Variants in GART observed in about 807,000 individuals in gnomAD.
The protein encoded by GART is phosphoribosylglycinamide formyltransferase, phosphoribosylglycinamide synthetase, phosphoribosylaminoimidazole synthetase.
A neutral mutation model predicts 107.2 loss-of-function variants in GART; 43 were observed. The ratio of observed to expected loss-of-function variants is 0.40; its 90% CI spans 0.31 to 0.52. The LOEUF (loss-of-function observed/expected upper bound fraction) is 0.52, where lower values mean the gene tolerates loss of function less well. GART is among the 20% of genes least tolerant of loss of function. GART has a pLI of 0.52. For missense variants in GART, 1,107 were observed against 1,206.5 expected, an observed-to-expected ratio of 0.92 and a Z score of 1.22; for synonymous variants, 434 against 427.0, an observed-to-expected ratio of 1.02 and a Z score of -0.20.
chr21:33,508,380 G>C (rs1439781838), intron 18 of GART, among the ~76,000 whole-genome samples: 1 of 151,900 alleles, frequency 6.6e-6, no homozygotes, highest in African/African-American at 2.4e-5. Flanking sequence ...TTATTACATG[G>C]GAATGTTGTA....
intron 4 of GART, among the ~76,000 whole-genome samples, chr21:33,532,944 AAAT>A (rs1022105991): frequency 6.0e-4 from 91 of 152,278 alleles, no homozygotes; most frequent in African/African-American, 2.2e-3. Flanking sequence ...GGCTGCTAGG[AAAT>A]AATAATATTC....
chr21:33,512,782 A>T (rs1360012886), intron 16 of GART, among the ~76,000 whole-genome samples: 1 of 151,664 alleles, frequency 6.6e-6, no homozygotes, highest in Admixed American at 6.6e-5. Context: ...TTGGAGAGAC[A>T]GGGTCTTACC....
At chr21:33,528,076 A>G (rs2085107589) in intron 10 of GART, 91 bp downstream of exon 10, 3 of 1,234,178 alleles carry the variant, frequency 2.4e-6, no homozygotes, top group Non-Finnish European at 3.5e-6. Flanking sequence ...TCACACTCTT[A>G]TCGAGAGCAA....
intron 10 of GART, among the ~76,000 whole-genome samples, chr21:33,527,672 G>C (rs1007334007): frequency 5.9e-5 from 9 of 152,172 alleles, no homozygotes; most frequent in African/African-American, 2.2e-4. Context: ...TATATAAAGA[G>C]AGAGAGAAAA....
At position 33,535,316 on chromosome 21, in the gene GART, G is replaced by C; in HGVS notation, c.150C>G (p.Ile50Met). The stretch of plus-strand genomic sequence containing the variant: ...CAAGGGCAGTGTGGTCACTGATTGA[G>C]ATGGCTGTAAACAGAAAAAAAAAAA... ...ACSEKISNTA[I>M]SISDHTALAQ... The change falls in exon 3 of 22, where the codon ATC (isoleucine) becomes ATG (methionine). Residue 50 changes from isoleucine (I) to methionine (M), a missense_variant. By Grantham distance (10) the Ile-to-Met change is conservative. Coordinates refer to ENST00000381815, the MANE Select transcript of GART (RefSeq NM_000819.5). 6.5e-6 allele frequency: 4 copies of C among 616,924 alleles called. No homozygotes were observed. Among genetic ancestry groups the C allele is most frequent in the South Asian group, 1.6e-5 (1 of 61,604 alleles). The allele number at this position is 616,924 out of a possible 1,614,324, so 38.2% of individuals were successfully genotyped here.
intron 2 of GART, 51 bp from the exon 3 acceptor site, chr21:33,535,371 C>G (rs771844403): frequency 8.6e-7 from 1 of 1,162,868 alleles, no homozygotes; most frequent in East Asian, 2.7e-5. Context: ...AAAAACATTC[C>G]ACTTAAGTAA....
At chr21:33,535,403 A>G in intron 2 of GART, 83 bp from the exon 3 acceptor site, 3 of 822,346 alleles carry the variant, frequency 3.6e-6, no homozygotes, top group Non-Finnish European at 5.6e-6. Context: ...CACTAAAAAA[A>G]CTAAGTTCTA....
chr21:33,536,614 G>T (rs763132014), intron 2 of GART, among the ~76,000 whole-genome samples: 1 of 152,186 alleles, frequency 6.6e-6, no homozygotes, highest in Non-Finnish European at 1.5e-5. Context: ...ATTAGGCACA[G>T]TAAGAGATTA....
chr21:33,534,800 G>A (rs755866460), intron 3 of GART, 47 bp from the exon 4 acceptor site: 25 of 1,492,044 alleles, frequency 1.7e-5, no homozygotes, highest in Non-Finnish European at 2.1e-5. Flanking sequence ...TCTCCCCAGG[G>A]GCTTTTCAGC....
chr21:33,532,263 T>G, intron 5 of GART, 82 bp downstream of exon 5: 1 of 944,076 alleles, frequency 1.1e-6, no homozygotes, highest in South Asian at 1.4e-5. Context: ...TTTTCCTTAT[T>G]GTGAGGAACA....
chr21:33,516,246 T>TTA, intron 16 of GART, among the ~76,000 whole-genome samples: 1 of 95,196 alleles, frequency 1.1e-5, no homozygotes, highest in Admixed American at 1.2e-4. Context: ...AGACTCTGTC[T>TTA]AAAAAAAAAA....
chr21:33,532,330 G>C lies in GART; in HGVS notation c.528+15C>G, dbSNP rs1461520384. 5.0e-6 allele frequency: 8 copies of C among 1,589,164 alleles called. No individual in the cohort carries two copies. Among genetic ancestry groups the C allele is most frequent in the Non-Finnish European group, 6.0e-6 (7 of 1,160,272 alleles). On this transcript the variant is annotated intron_variant, in intron 5 of 21. Coordinates refer to ENST00000381815, the MANE Select transcript of GART (RefSeq NM_000819.5). The stretch of plus-strand genomic sequence containing the variant: ...ATGAATAGAAAAGTAAATTTTTTCA[G>C]AAGACCCAGCCTACCTGCATGATCT...
intron 20 of GART, 53 bp from the exon 21 acceptor site, chr21:33,504,580 G>A: frequency 7.8e-7 from 1 of 1,285,776 alleles, no homozygotes; most frequent in Non-Finnish European, 1.1e-6. Flanking sequence ...TGGGTATTCT[G>A]TTAAAGGAAT....
chr21:33,532,335 C>A lies in GART; in HGVS notation c.528+10G>T, dbSNP rs748556130. The A allele has an allele frequency of 2.8e-5, 44 of 1,599,248 alleles. No individual in the cohort carries two copies. Among genetic ancestry groups the A allele is most frequent in the Non-Finnish European group, 3.6e-5 (42 of 1,168,078 alleles). On this transcript the variant is annotated intron_variant, in intron 5 of 21. Transcript: ENST00000381815. ...TAGAAAAGTAAATTTTTTCAGAAGA[C>A]CCAGCCTACCTGCATGATCTCTTGT...
rs397806524 is a variant in GART at position 33,528,618 on chromosome 21, GAAA to G, written c.812-17_812-15del. 67 of 1,051,874 alleles carry G rather than the reference GAAA, an allele frequency of 6.4e-5. No homozygotes were observed. Among genetic ancestry groups the G allele is most frequent in the Middle Eastern group, 2.3e-4 (1 of 4,316 alleles). 65.2% of individuals were successfully genotyped at this position (1,051,874 alleles called of 1,614,324 possible). On this transcript the variant is annotated splice_polypyrimidine_tract_variant and intron_variant, in intron 8 of 21. Coordinates refer to ENST00000381815, the MANE Select transcript of GART (RefSeq NM_000819.5). ...CATAGAGAATACCTTCATTAAAAAA[GAAA>G]AAAAAAAAAAAGAGAGAAAGAAAAT...
intron 2 of GART, among the ~76,000 whole-genome samples, chr21:33,538,927 C>T (rs1383453738): frequency 2.0e-5 from 3 of 152,046 alleles, no homozygotes; most frequent in African/African-American, 7.2e-5. Context: ...ACTACAGGCA[C>T]CCGCCACCAC....
Position 33,525,222 on chromosome 21 carries a change from A to G in GART, c.1067-222T>C, listed in dbSNP as rs189087957. Among the ~76,000 whole-genome samples, 57 of 146,000 alleles carry G rather than the reference A, an allele frequency of 3.9e-4. No homozygotes were observed. In the East Asian group the frequency reaches 0.01, roughly 27 times the overall value. On this transcript the variant is annotated intron_variant, in intron 10 of 21. Transcript: ENST00000381815. Reference sequence around the variant, plus strand: ...CAACAGAGCAAGACCTCGCCTCTACATAAATAAATAAATAAATAAATAATA... The same window carrying G: ...CAACAGAGCAAGACCTCGCCTCTACGTAAATAAATAAATAAATAAATAATA...
At chr21:33,540,037 C>G (rs569745106) in intron 1 of GART, among the ~76,000 whole-genome samples, 1 of 152,244 alleles carries the variant, frequency 6.6e-6, no homozygotes, top group African/African-American at 2.4e-5. Context: ...ACCTTGAAAT[C>G]TTACAGATAA....
In GART at chr21:33,528,300, T is replaced by C. The variant is rs1407966648; in HGVS notation, c.933A>G (p.Glu311=). 6.2e-7 allele frequency: 1 copy of C among 1,613,992 alleles called. No homozygotes were observed. Among genetic ancestry groups the C allele is most frequent in the Non-Finnish European group, 8.5e-7 (1 of 1,180,016 alleles). The part of the protein sequence containing the change: ...ILPLLKSDLY[E]VIQSTLDGLL... ...GTCCATCTAAGGTGGACTGAATCAC[T>C]TCATAAAGATCACTTTTAAGAAGTG... Residue 311 remains glutamate (E), a synonymous_variant, in exon 10 of 22, where the codon GAA becomes GAG. Transcript: ENST00000381815.
Sources: allele counts gnomAD v4.1 joint callset (sites outside exome capture counted in the v4.1 genomes callset), GRCh38; gene constraint gnomAD v4.1.1; transcripts MANE v1.5; gene names NCBI Gene and HGNC (gene_info 2026-07-23, HGNC 2026-07-21).